ERCC6L2: variants seen among roughly 807,000 people sequenced by gnomAD.
ERCC6L2 encodes the protein DNA excision repair protein ERCC-6-like 2.
A neutral mutation model predicts 132.0 loss-of-function variants in ERCC6L2; 77 were observed. The ratio of observed to expected loss-of-function variants is 0.58; its 90% CI spans 0.49 to 0.71. The LOEUF (loss-of-function observed/expected upper bound fraction) is 0.71. Ranked by LOEUF, ERCC6L2 falls within the 30% of genes least tolerant of loss-of-function variation. The pLI is 0.00. For synonymous variants in ERCC6L2, 583 were observed against 632.4 expected (o/e 0.92, Z 1.17); for missense variants, 1,542 against 1,837.6 (o/e 0.84, Z 2.94).
chr9:95,899,623 TGTGTGTGTGC>T (rs1208416211), intron 3 of ERCC6L2, among the ~76,000 whole-genome samples: 35 of 147,668 alleles, frequency 2.4e-4, no homozygotes, highest in African/African-American at 7.5e-4. Flanking sequence ...TGTGTGTGTG[TGTGTGTGTGC>T]GTATGTATGC....
chr9:96,004,478 T>A, intron 17 of ERCC6L2, 42 bp from the exon 18 acceptor site: 1 of 1,162,162 alleles, frequency 8.6e-7, no homozygotes, highest in Non-Finnish European at 1.1e-6. Context: ...CAACAATGAC[T>A]ATTTTTTCAG....
In ERCC6L2 at chr9:96,004,736, T is replaced by G. The variant is rs562194675; in HGVS notation, c.3674+35T>G. ...CTCTGACAATACTATACTTGAAGAA[T>G]AATTCTCAAAGGAAATGTAGCTCAT... On this transcript the variant is annotated intron_variant, in intron 18 of 18. Transcript: ENST00000653738. 3 of 1,249,294 alleles carry G rather than the reference T, an allele frequency of 2.4e-6. No homozygotes were observed. In the Admixed American group the frequency reaches 7.1e-5, roughly 30 times the overall value. 77.4% of individuals were successfully genotyped at this position (1,249,294 alleles called of 1,614,324 possible). A position where few individuals can be genotyped will look rare whatever the true frequency, so the allele number is the denominator to read the frequency against.
intron 17 of ERCC6L2, among the ~76,000 whole-genome samples, chr9:95,983,967 A>G (rs1190007100): frequency 2.0e-5 from 3 of 152,020 alleles, no homozygotes; most frequent in Non-Finnish European, 4.4e-5. Context: ...TACTTTTCCA[A>G]TATGACAAAC....
intron 17 of ERCC6L2, among the ~76,000 whole-genome samples, chr9:95,996,572 A>T (rs1158520856): frequency 6.6e-6 from 1 of 152,242 alleles, no homozygotes; most frequent in Non-Finnish European, 1.5e-5. Context: ...CGCTCTTGTT[A>T]GGGACTAGTG....
intron 16 of ERCC6L2, among the ~76,000 whole-genome samples, chr9:95,974,722 TTGTG>T (rs139478214): frequency 0.13 from 19,432 of 149,702 alleles, 1,319 homozygotes; most frequent in South Asian, 0.24. Flanking sequence ...GTGGCCAGAT[TTGTG>T]TGTGTGTGTG....
intron 12 of ERCC6L2, among the ~76,000 whole-genome samples, chr9:95,952,414 T>A (rs1831380468): frequency 6.6e-6 from 1 of 152,086 alleles, no homozygotes; most frequent in Admixed American, 6.6e-5. Context: ...AGAGTAGGAT[T>A]TATTCCTGGA....
At chr9:96,031,978 A>G (rs558027243) in intron 19 of ERCC6L2, among the ~76,000 whole-genome samples, 1 of 152,316 alleles carries the variant, frequency 6.6e-6, no homozygotes, top group South Asian at 2.1e-4. Flanking sequence ...AAGTAGAACA[A>G]TTTAAATCAC....
intron 11 of ERCC6L2, among the ~76,000 whole-genome samples, chr9:95,936,103 A>AGGG (rs1423381931): frequency 1.3e-5 from 2 of 152,278 alleles, no homozygotes; most frequent in East Asian, 3.9e-4. Flanking sequence ...GGAATGGAGA[A>AGGG]GGGACTCAAG....
chr9:95,923,634 T>C, intron 9 of ERCC6L2, among the ~76,000 whole-genome samples: 1 of 152,202 alleles, frequency 6.6e-6, no homozygotes, highest in Admixed American at 6.5e-5. Context: ...TATATTGGAC[T>C]TATGCCCTCT....
chr9:96,039,009 C>T (rs1390613333), exon 20 of ERCC6L2: 1 of 442,378 alleles, frequency 2.3e-6, no homozygotes, highest in Non-Finnish European at 4.6e-6. Flanking sequence ...AGATGAACCA[C>T]CTTGGAGACA....
In ERCC6L2 at chr9:95,968,217, A is replaced by G. The variant is rs116087401; in HGVS notation, c.2100+1503A>G. On this transcript the variant is annotated intron_variant, in intron 14 of 18. Coordinates refer to ENST00000653738, the MANE Select transcript of ERCC6L2 (RefSeq NM_020207.7). ...TCTTGTTTCACCTTCAGAAGTGTTT[A>G]TTAATGACAGGACCATCCATGTCTT... 593 of 152,324 alleles carry G rather than the reference A, an allele frequency of 3.9e-3. 5 individuals are homozygous for G. The highest frequency in any genetic ancestry group is 0.013 in the African/African-American group (553 of 41,586). The allele number at this position is 152,324 out of a possible 1,614,324, so 9.4% of individuals were successfully genotyped here.
intron 19 of ERCC6L2, among the ~76,000 whole-genome samples, chr9:96,034,711 C>A (rs1223078672): frequency 6.7e-6 from 1 of 150,192 alleles, no homozygotes; most frequent in Non-Finnish European, 1.5e-5. Context: ...GGTGGGAATT[C>A]CCTGGGTGCT....
chr9:96,035,187 G>C (rs112223464), intron 19 of ERCC6L2, among the ~76,000 whole-genome samples: 2 of 152,182 alleles, frequency 1.3e-5, no homozygotes, highest in African/African-American at 2.4e-5. Flanking sequence ...TGAGCCTGGG[G>C]CCATGAATGG....
In ERCC6L2 at chr9:96,029,322, A is replaced by C. The variant is rs56688677; in HGVS notation, c.*1504-9554A>C. Among the ~76,000 whole-genome samples, 838 of 147,214 alleles carry C rather than the reference A, an allele frequency of 5.7e-3. 21 individuals carry two copies. In the East Asian group the frequency reaches 0.088, roughly 15 times the overall value. On this transcript the variant is annotated intron_variant and NMD_transcript_variant, in intron 19 of 20. Coordinates refer to the ERCC6L2 transcript ENST00000670016. ...CCGTCTCAAAAAAAAAAAAAAAAAAAACAAAAAAAAAATTAGGATGGTACA... is the reference window on the plus strand; with the variant it reads ...CCGTCTCAAAAAAAAAAAAAAAAAACACAAAAAAAAAATTAGGATGGTACA...
chr9:95,882,250 C>T (rs1313761677), intron 2 of ERCC6L2, among the ~76,000 whole-genome samples: 1 of 152,184 alleles, frequency 6.6e-6, no homozygotes, highest in African/African-American at 2.4e-5. Flanking sequence ...CATCCCTTCA[C>T]TTTTGTCACA....
intron 12 of ERCC6L2, among the ~76,000 whole-genome samples, chr9:95,943,141 A>C (rs1830883285): frequency 1.3e-5 from 2 of 152,134 alleles, no homozygotes; most frequent in Admixed American, 6.5e-5. Flanking sequence ...AATTACTGGG[A>C]GTGTGGCTGA....
chr9:95,997,306 T>C (rs540066301), intron 17 of ERCC6L2, among the ~76,000 whole-genome samples: 77 of 152,264 alleles, frequency 5.1e-4, no homozygotes, highest in African/African-American at 1.8e-3. Context: ...AAGACTTTAG[T>C]GGGGGAACTA....
chr9:95,956,823 T>C (rs75594141), intron 13 of ERCC6L2, among the ~76,000 whole-genome samples: 3,604 of 152,256 alleles, frequency 0.024, 149 homozygotes, highest in African/African-American at 0.083. Context: ...TAATTCAAGA[T>C]AAAATTCGGG....
At chr9:95,959,066 C>T (rs115714150) in intron 13 of ERCC6L2, among the ~76,000 whole-genome samples, 6,544 of 152,186 alleles carry the variant, frequency 0.043, 488 homozygotes, top group African/African-American at 0.15. Flanking sequence ...GCCTGCATCG[C>T]CAAGTCTCAA....
Sources: gnomAD v4.1 joint callset for allele counts (sites outside exome capture counted in the v4.1 genomes callset) on GRCh38, gnomAD v4.1.1 for gene constraint, MANE v1.5 for transcripts, NCBI Gene and HGNC (gene_info 2026-07-23, HGNC 2026-07-21) for gene names.